The following SZT2 variants were observed in gnomAD, a reference collection of about 807,000 sequenced individuals.
The protein encoded by SZT2 is SZT2 subunit of KICSTOR complex.
Under a neutral mutation model 404.2 loss-of-function variants are expected in SZT2, and 216 were observed. That is an observed-to-expected ratio of 0.53 (90% CI 0.48 to 0.60). The LOEUF (loss-of-function observed/expected upper bound fraction) is 0.60. SZT2 is among the 20% of genes least tolerant of loss of function. The pLI, the probability that SZT2 is intolerant of heterozygous loss-of-function variation, is 0.00. For synonymous variants in SZT2, 1,693 were observed against 1,749.9 expected, an observed-to-expected ratio of 0.97 and a Z score of 0.81; for missense variants, 3,857 against 4,459.2, an observed-to-expected ratio of 0.86 and a Z score of 3.85.
At chr1:43,404,142 G>A in intron 3 of SZT2, 2 of 541,992 alleles carry the variant, frequency 3.7e-6, no homozygotes, top group Non-Finnish European at 6.5e-6. Flanking sequence ...AGGAGGTCGA[G>A]GCTACAGTGA....
chr1:43,447,257 C>T, intron 66 of SZT2, 89 bp downstream of exon 66: 1 of 1,371,394 alleles, frequency 7.3e-7, no homozygotes, highest in Non-Finnish European at 1.0e-6. Context: ...CCTCCCTGGA[C>T]AAGTGGTCCC....
In SZT2 at chr1:43,441,315, G is replaced by T. The variant is rs979339741; in HGVS notation, c.7446G>T (p.Glu2482Asp). 1.2e-6 allele frequency: 2 copies of T among 1,614,246 alleles called. No homozygotes were observed. Among genetic ancestry groups the T allele is most frequent in the Non-Finnish European group, 1.7e-6 (2 of 1,180,044 alleles). ...GGGGCCGGAGGCGTCACAAAACCGA[G>T]AGTGTTCGGACTCCTGGTGGAGCTG... ...DTRGRRRHKT[E>D]SVRTPGGAER... The change falls in exon 53 of 72, where the codon GAG (glutamate) becomes GAT (aspartate). Residue 2482 changes from glutamate (E) to aspartate (D), a missense_variant. Physicochemically the swap from Glu to Asp is conservative, Grantham distance 45. Transcript: ENST00000634258. The surrounding 1 kb of genome is among the most constrained non-coding windows in gnomAD (Gnocchi z 4.8).
Position 43,419,825 on chromosome 1 carries a change from A to C in SZT2, c.971A>C (p.Tyr324Ser), listed in dbSNP as rs956053333. Residue 324 changes from tyrosine (Y) to serine (S), a missense_variant, in exon 8 of 72, where the codon TAC (tyrosine) becomes TCC (serine). Physicochemically the swap from Tyr to Ser is moderately radical, Grantham distance 144. Transcript: ENST00000634258. ...KFIAMATFGS[Y>S]LSTCPEPEPG... ...ATCGCAATGGCAACATTTGGGTCCTACCTGTCCACTTGTCCTGAGCCGGAG... is the reference window on the plus strand; with the variant it reads ...ATCGCAATGGCAACATTTGGGTCCTCCCTGTCCACTTGTCCTGAGCCGGAG... 14 of 1,598,412 alleles carry C rather than the reference A, an allele frequency of 8.8e-6. No homozygotes were observed. The highest frequency in any genetic ancestry group is 1.2e-5 in the Non-Finnish European group (14 of 1,179,808).
intron 1 of SZT2, among the ~76,000 whole-genome samples, chr1:43,401,012 C>T (rs1343407910): frequency 6.6e-6 from 1 of 152,144 alleles, no homozygotes; most frequent in Non-Finnish European, 1.5e-5. Context: ...GTCTCGACCT[C>T]CTGGGCTCAG....
At chr1:43,427,246 C>T (rs1653269997) in intron 24 of SZT2, 35 bp from the exon 25 acceptor site, 5 of 1,604,038 alleles carry the variant, frequency 3.1e-6, no homozygotes, top group African/African-American at 1.3e-5. Context: ...CACTGGCCCA[C>T]CAGGCAGCTC....
Position 43,437,150 on chromosome 1 carries a change from T to C in SZT2, c.6035-21T>C, listed in dbSNP as rs1440241790. 1 of 1,613,348 alleles carries C rather than the reference T, an allele frequency of 6.2e-7. No individual in the cohort carries two copies. The highest frequency in any genetic ancestry group is 1.1e-5 in the South Asian group (1 of 91,040). On this transcript the variant is annotated intron_variant, in intron 42 of 71. Transcript: ENST00000634258. This position sits in a 1 kb window ranked among gnomAD's most constrained non-coding sequence, Gnocchi z 5.3. ...AGAGGGTGGTGTGTCCCATTTCTAA[T>C]CCCTGCTCCCCCTCACCCAGATTAT...
Position 43,403,646 on chromosome 1 carries a change from G to A in SZT2, c.199G>A (p.Gly67Arg), listed in dbSNP as rs770441283. Residue 67 changes from glycine (G) to arginine (R), a missense_variant, in exon 3 of 72, where the codon GGG becomes AGG. Around this residue, in one of 7 missense-constraint regions of SZT2, gnomAD observed 536 missense variants for 637.4 expected, o/e 0.84. Transcript: ENST00000634258. ...GGAAGTCCTCAGTGTCCTGCCCCCTGGGTGGCAGCCAGATGAACCAGTGGT... is the reference window on the plus strand; with the variant it reads ...GGAAGTCCTCAGTGTCCTGCCCCCTAGGTGGCAGCCAGATGAACCAGTGGT... ...ELEVLSVLPPGWQPDEPVVPR... is the reference protein window; with the variant it reads ...ELEVLSVLPPRWQPDEPVVPR... 6 of 1,614,054 alleles carry A rather than the reference G, an allele frequency of 3.7e-6. No homozygotes were observed. In the South Asian group the frequency reaches 5.5e-5, roughly 15 times the overall value.
At position 43,441,540 on chromosome 1, in the gene SZT2, G is replaced by A; in HGVS notation, c.7548G>A (p.Gly2516=). Residue 2516 remains glycine, a synonymous_variant, in exon 54 of 72, where the codon GGG becomes GGA. Coordinates refer to ENST00000634258, the MANE Select transcript of SZT2 (RefSeq NM_001365999.1). The surrounding 1 kb of genome is among the most constrained non-coding windows in gnomAD (Gnocchi z 4.8). The part of the protein sequence containing the change: ...RTTQLEEGEV[G]TLHPVFARVA... ...CACAGCTAGAAGAGGGTGAGGTGGG[G>A]ACCCTTCATCCTGTGTTTGCCCGTG... is the stretch of plus-strand genomic sequence containing the variant. The A allele has an allele frequency of 1.2e-6, 2 of 1,614,146 alleles. No homozygotes were observed. The highest frequency in any genetic ancestry group is 1.7e-6 in the Non-Finnish European group (2 of 1,180,026).
intron 1 of SZT2, among the ~76,000 whole-genome samples, chr1:43,395,347 G>T (rs1177592279): frequency 6.6e-6 from 1 of 152,118 alleles, no homozygotes; most frequent in African/African-American, 2.4e-5. Flanking sequence ...ATCCAGGCTG[G>T]AGTGCAGTGG....
chr1:43,451,244 G>A lies in SZT2; in HGVS notation c.*764G>A. On this transcript the variant is annotated 3_prime_UTR_variant, in exon 72 of 72. Transcript: ENST00000634258. The stretch of plus-strand genomic sequence containing the variant: ...GTGGGTGGTGTGCGGGCCCTCACTG[G>A]CCAGCCTCTGGGTGGCCCCGCCTAT... 6.2e-7 allele frequency: 1 copy of A among 1,613,864 alleles called. No homozygotes were observed. Among genetic ancestry groups the A allele is most frequent in the South Asian group, 1.1e-5 (1 of 91,080 alleles).
At position 43,422,828 on chromosome 1, in the gene SZT2, G is replaced by T; in HGVS notation, c.1982G>T (p.Cys661Phe). 1 of 1,594,302 alleles carries T rather than the reference G, an allele frequency of 6.3e-7. No homozygotes were observed. The highest frequency in any genetic ancestry group is 1.1e-5 in the South Asian group (1 of 89,974). ...YMVRIISKAP[C>F]MVLRLGFPIG... ...GTCCGTATCATTTCCAAGGCCCCAT[G>T]CATGGTTCTTCGCCTGGGTTTTCCC... is the stretch of plus-strand genomic sequence containing the variant. Residue 661 changes from cysteine (C) to phenylalanine (F), a missense_variant, in exon 14 of 72, where the codon TGC becomes TTC. Cys to Phe is a radical substitution (Grantham distance 205). Around this residue, in one of 7 missense-constraint regions of SZT2, gnomAD observed 1,725 missense variants for 1,881.0 expected, o/e 0.92. Coordinates refer to ENST00000634258, the MANE Select transcript of SZT2 (RefSeq NM_001365999.1).
Position 43,454,179 on chromosome 1 carries a change from A to C in SZT2, c.*3699A>C, listed in dbSNP as rs1656777133. On this transcript the variant is annotated 3_prime_UTR_variant, in exon 72 of 72. Coordinates refer to ENST00000634258, the MANE Select transcript of SZT2 (RefSeq NM_001365999.1). ...CTGAGTCTTTCCTCTGATTATAAAA[A>C]TGCTATCTGTTCGTTAAGCAACATT... 1 of 317,670 alleles carries C rather than the reference A, an allele frequency of 3.1e-6. No homozygotes were observed. The highest frequency in any genetic ancestry group is 2.2e-5 in the African/African-American group (1 of 44,864). The allele number at this position is 317,670 out of a possible 1,614,324, so 19.7% of individuals were successfully genotyped here. A position where few individuals can be genotyped will look rare whatever the true frequency, so the allele number is the denominator to read the frequency against.
Position 43,416,833 on chromosome 1 carries a change from G to C in SZT2, c.879+192G>C, listed in dbSNP as rs1220529422. The stretch of plus-strand genomic sequence containing the variant: ...TCTTATTTTTTTCCTCTTTCCTTAG[G>C]ATTTTGGAAATAGCTGTTAAAGCAA... On this transcript the variant is annotated intron_variant, in intron 7 of 71. Coordinates refer to ENST00000634258, the MANE Select transcript of SZT2 (RefSeq NM_001365999.1). Among the ~76,000 whole-genome samples the C allele has an allele frequency of 5.9e-5, 9 of 152,290 alleles. No homozygotes were observed. The East Asian group carries it at 1.7e-3, about 29-fold the overall frequency.
At chr1:43,445,535 G>A (rs1214105667) in intron 62 of SZT2, 4 of 327,190 alleles carry the variant, frequency 1.2e-5, no homozygotes, top group South Asian at 3.1e-5. Flanking sequence ...TCAGAGGAAG[G>A]TACCTAACCA....
At position 43,430,076 on chromosome 1, in the gene SZT2, C is replaced by A; in HGVS notation, c.4374C>A (p.Phe1458Leu). The change falls in exon 30 of 72, where the codon TTC becomes TTA. Residue 1458 changes from phenylalanine (F) to leucine (L), a missense_variant. Phe to Leu is a conservative substitution (Grantham distance 22, BLOSUM62 0). Around this residue, in one of 7 missense-constraint regions of SZT2, gnomAD observed 1,725 missense variants for 1,881.0 expected, o/e 0.92. Transcript: ENST00000634258. ...RTVPSNPHYF[F>L]YCPPSSRRED... ...TGCCTTCCAATCCCCACTACTTCTT[C>A]TATTGCCCTCCATCCAGCAGGCGAG... 1 of 1,614,190 alleles carries A rather than the reference C, an allele frequency of 6.2e-7. No individual in the cohort carries two copies. The highest frequency in any genetic ancestry group is 8.5e-7 in the Non-Finnish European group (1 of 1,180,034).
intron 1 of SZT2, among the ~76,000 whole-genome samples, chr1:43,395,114 T>C (rs1471140992): frequency 6.6e-6 from 1 of 152,158 alleles, no homozygotes; most frequent in Non-Finnish European, 1.5e-5. Flanking sequence ...AGCTGTACAG[T>C]AGTAAAATTT....
Position 43,453,725 on chromosome 1 carries a change from C to A in SZT2, c.*3245C>A, listed in dbSNP as rs764135409. The A allele has an allele frequency of 7.2e-7, 1 of 1,390,656 alleles. No homozygotes were observed. Among genetic ancestry groups the A allele is most frequent in the East Asian group, 3.0e-5 (1 of 33,164 alleles). The allele number at this position is 1,390,656 out of a possible 1,614,324, so 86.1% of individuals were successfully genotyped here. On this transcript the variant is annotated 3_prime_UTR_variant, in exon 72 of 72. Coordinates refer to ENST00000634258, the MANE Select transcript of SZT2 (RefSeq NM_001365999.1). Reference sequence around the variant, plus strand: ...AGCCCGAGCTGCCCGCGGCCCGCACCCGCGCGGGGAGGCCGGAGAGCTCGG... The same window carrying A: ...AGCCCGAGCTGCCCGCGGCCCGCACACGCGCGGGGAGGCCGGAGAGCTCGG...
Position 43,447,017 on chromosome 1 carries a change from C to CAGCTATG in SZT2, c.9137_9143dup (p.Asp3048GlufsTer3). ...GGGACCTGATGCACGTGCACTCGTT[C>CAGCTATG]AGCTATGACTTCCATCTGCGCCTCG... is the stretch of plus-strand genomic sequence containing the variant. On this transcript the variant is annotated frameshift_variant, in exon 66 of 72. Coordinates refer to ENST00000634258, the MANE Select transcript of SZT2 (RefSeq NM_001365999.1). LOFTEE classifies it high-confidence loss of function. The CAGCTATG allele has an allele frequency of 6.2e-7, 1 of 1,613,914 alleles. No homozygotes were observed. Among genetic ancestry groups the CAGCTATG allele is most frequent in the Non-Finnish European group, 8.5e-7 (1 of 1,180,034 alleles).
chr1:43,425,527 C>T lies in SZT2; in HGVS notation c.2699C>T (p.Ser900Leu). Residue 900 changes from serine to leucine, a missense_variant, in exon 19 of 72, where the codon TCA becomes TTA. Transcript: ENST00000634258. The surrounding 1 kb of genome is among the most constrained non-coding windows in gnomAD (Gnocchi z 4.3). ...DVEVEALEGD[S>L]ELNLVTEVWV... The stretch of plus-strand genomic sequence containing the variant: ...GAAGTGGAGGCCCTGGAGGGAGACT[C>T]AGAGCTCAATCTGGTCACTGAGGTG... 6.2e-7 allele frequency: 1 copy of T among 1,614,184 alleles called. No individual in the cohort carries two copies. The highest frequency in any genetic ancestry group is 8.5e-7 in the Non-Finnish European group (1 of 1,180,036).
Sources: gnomAD v4.1 joint callset for allele counts (sites outside exome capture counted in the v4.1 genomes callset) on GRCh38, gnomAD v4.1.1 for gene constraint, gnomAD v4.1.1 regional missense constraint, Gnocchi (gnomAD v3.1) non-coding constraint, MANE v1.5 for transcripts, NCBI Gene and HGNC (gene_info 2026-07-23, HGNC 2026-07-21) for gene names.